The following PPME1 variants were observed in gnomAD, a reference collection of about 807,000 sequenced individuals.
PPME1 encodes protein phosphatase methylesterase 1.
PPME1 carries 17 observed loss-of-function variants against 56.9 expected under a neutral mutation model. That is an observed-to-expected ratio of 0.30 (90% CI 0.20 to 0.45). PPME1 has a LOEUF of 0.45. PPME1 is among the 20% of genes least tolerant of loss of function. The probability of loss-of-function intolerance (pLI) is 1.00; values close to 1 mark genes in which losing one functional copy is unlikely to be tolerated. For synonymous variants in PPME1, 122 were observed against 156.2 expected (o/e 0.78, Z 1.63); for missense variants, 357 against 483.2 (o/e 0.74, Z 2.45).
At chr11:74,243,565 A>T (rs1027849434) in intron 9 of PPME1, 1 of 152,076 alleles carries the variant, frequency 6.6e-6, no homozygotes, top group East Asian at 1.9e-4. Flanking sequence ...AAAGTGTCCT[A>T]TCCCTGGTAA....
At position 74,204,277 on chromosome 11, in the gene PPME1, G is replaced by T. The variant is rs1032326093; in HGVS notation, c.196-76G>T. Reference sequence around the variant, plus strand: ...CTGCAGTTTTGCATGTAAGTTTCTAGCGGTATTACTATGATTAAATAATGA... The same window carrying T: ...CTGCAGTTTTGCATGTAAGTTTCTATCGGTATTACTATGATTAAATAATGA... On this transcript the variant is annotated intron_variant, in intron 2 of 13. Transcript: ENST00000328257. 3 of 1,139,734 alleles carry T rather than the reference G, an allele frequency of 2.6e-6. No homozygotes were observed. The African/African-American group carries it at 4.7e-5, about 18-fold the overall frequency. 70.6% of individuals were successfully genotyped at this position (1,139,734 alleles called of 1,614,324 possible). A position where few individuals can be genotyped will look rare whatever the true frequency, so the allele number is the denominator to read the frequency against.
intron 1 of PPME1, among the ~76,000 whole-genome samples, chr11:74,195,223 G>C (rs968882499): frequency 2.0e-5 from 3 of 152,188 alleles, no homozygotes; most frequent in Admixed American, 6.5e-5. Context: ...AAACCTGTTT[G>C]TCTCTCCTCG....
chr11:74,251,363 A>G, intron 12 of PPME1: 13 of 1,356,148 alleles, frequency 9.6e-6, no homozygotes, highest in Admixed American at 3.2e-5. Flanking sequence ...AGGAATTAAT[A>G]TGGGCTCCTC....
At chr11:74,202,100 C>A (rs898864755) in intron 1 of PPME1, among the ~76,000 whole-genome samples, 1 of 152,178 alleles carries the variant, frequency 6.6e-6, no homozygotes, top group Non-Finnish European at 1.5e-5. Flanking sequence ...TCAGTCTCTG[C>A]AATCCAAGGC....
chr11:74,209,091 A>AG (rs1259580751), intron 3 of PPME1, among the ~76,000 whole-genome samples: 2 of 151,810 alleles, frequency 1.3e-5, no homozygotes, highest in African/African-American at 2.4e-5. Flanking sequence ...GTAACAGTAG[A>AG]GGGGGCTATT....
In PPME1 at chr11:74,253,392, TTGG is replaced by T. The variant is rs970154043; in HGVS notation, c.1143-95_1143-93del. Reference sequence around the variant, plus strand: ...GAAATGGGTCAGATTTGCCAGGGCCTTGGTGGTCATTAGGGAGGGCTTCCTGGA... The same window carrying T: ...GAAATGGGTCAGATTTGCCAGGGCCTTGGTCATTAGGGAGGGCTTCCTGGA... On this transcript the variant is annotated intron_variant, in intron 13 of 13. Transcript: ENST00000328257. The T allele has an allele frequency of 2.4e-6, 3 of 1,253,980 alleles. No homozygotes were observed. The African/African-American group carries it at 4.4e-5, about 19-fold the overall frequency. The allele number at this position is 1,253,980 out of a possible 1,614,324, so 77.7% of individuals were successfully genotyped here.
intron 3 of PPME1, among the ~76,000 whole-genome samples, chr11:74,217,541 C>CAAAAAAAAAA (rs61139169): frequency 5.1e-5 from 4 of 79,026 alleles, no homozygotes; most frequent in Non-Finnish European, 9.8e-5. Context: ...GACTCCGTCT[C>CAAAAAAAAAA]AAAAAAAAAA....
chr11:74,248,725 A>G (rs955256485), intron 11 of PPME1: 1 of 152,234 alleles, frequency 6.6e-6, no homozygotes, highest in Non-Finnish European at 1.5e-5. Flanking sequence ...TAAGACACTT[A>G]AGTTCAATTC....
chr11:74,201,061 C>T (rs1004539045), intron 1 of PPME1, among the ~76,000 whole-genome samples: 6 of 151,832 alleles, frequency 4.0e-5, no homozygotes, highest in South Asian at 4.2e-4. Context: ...CTGCAAGCTC[C>T]GCCTCCCGGG....
intron 1 of PPME1, among the ~76,000 whole-genome samples, chr11:74,184,300 A>G (rs185914136): frequency 6.6e-6 from 1 of 152,298 alleles, no homozygotes; most frequent in East Asian, 1.9e-4. Context: ...TAACTGAACT[A>G]TATTATTAGC....
chr11:74,171,295 G>T lies in PPME1; in HGVS notation c.-127G>T. 1 of 1,505,898 alleles carries T rather than the reference G, an allele frequency of 6.6e-7. No homozygotes were observed. The highest frequency in any genetic ancestry group is 1.3e-5 in the South Asian group (1 of 78,374). 93.3% of individuals were successfully genotyped at this position (1,505,898 alleles called of 1,614,324 possible). On this transcript the variant is annotated 5_prime_UTR_variant, in exon 1 of 14. Coordinates refer to ENST00000328257, the MANE Select transcript of PPME1 (RefSeq NM_016147.3). ...CCGGTGGGCGGTAGGCGGTGCTACG[G>T]GTAGCTGGGTGCTGTCCAAAGGCGA...
At chr11:74,247,145 CCCCTGG>C in intron 11 of PPME1, 22 bp downstream of exon 11, 1 of 1,594,520 alleles carries the variant, frequency 6.3e-7, no homozygotes, top group South Asian at 1.1e-5. Flanking sequence ...AGAAATTATA[CCCCTGG>C]ACCCTTTTCT....
At chr11:74,242,019 T>G (rs1053723642) in intron 9 of PPME1, among the ~76,000 whole-genome samples, 18 of 152,244 alleles carry the variant, frequency 1.2e-4, no homozygotes, top group Admixed American at 1.2e-3. Flanking sequence ...CCTTGTACTT[T>G]TGGTATTATA....
intron 1 of PPME1, among the ~76,000 whole-genome samples, chr11:74,174,028 G>A (rs1857349010): frequency 6.6e-6 from 1 of 152,082 alleles, no homozygotes; most frequent in Non-Finnish European, 1.5e-5. Flanking sequence ...TACTTTATTG[G>A]TATATAAGCA....
intron 1 of PPME1, among the ~76,000 whole-genome samples, chr11:74,186,866 G>C (rs990608670): frequency 6.6e-6 from 1 of 152,114 alleles, no homozygotes; most frequent in Non-Finnish European, 1.5e-5. Context: ...TCTTCTAAGA[G>C]TTTTCTAGTT....
At chr11:74,216,112 A>G (rs1260801646) in intron 3 of PPME1, among the ~76,000 whole-genome samples, 1 of 152,158 alleles carries the variant, frequency 6.6e-6, no homozygotes, top group Non-Finnish European at 1.5e-5. Context: ...GAGATAGAAA[A>G]ATTTACGTAA....
At chr11:74,251,170 C>T in intron 12 of PPME1, 152 bp downstream of exon 12, 1 of 1,466,670 alleles carries the variant, frequency 6.8e-7, no homozygotes, top group African/African-American at 1.4e-5. Context: ...CCAACTTCTC[C>T]CTGGCAGCTG....
intron 1 of PPME1, among the ~76,000 whole-genome samples, chr11:74,176,704 G>A (rs1857407583): frequency 6.7e-6 from 1 of 148,444 alleles, no homozygotes; most frequent in African/African-American, 2.5e-5. Context: ...ATTTTTTCCT[G>A]GTACCTGTGT....
intron 9 of PPME1, 66 bp from the exon 10 acceptor site, chr11:74,246,010 T>C: frequency 6.6e-7 from 1 of 1,521,274 alleles, no homozygotes; most frequent in Non-Finnish European, 8.8e-7. Context: ...CCCAGGGATC[T>C]AGTTTTTAAT....
Sources: allele counts gnomAD v4.1 joint callset (sites outside exome capture counted in the v4.1 genomes callset), GRCh38; gene constraint gnomAD v4.1.1; transcripts MANE v1.5; gene names NCBI Gene and HGNC (gene_info 2026-07-23, HGNC 2026-07-21).